The following RFX8 variants were observed in gnomAD, a reference collection of about 807,000 sequenced individuals.
RFX8 encodes DNA-binding protein RFX8.
RFX8 carries 46 observed loss-of-function variants against 54.6 expected under a neutral mutation model. The ratio of observed to expected loss-of-function variants is 0.84; its 90% confidence interval spans 0.67 to 1.08. The LOEUF is 1.08. Among genes scored for constraint, RFX8 ranks in the 50% least tolerant of loss-of-function variants. The probability of loss-of-function intolerance (pLI) is 0.00; values close to 1 mark genes in which losing one functional copy is unlikely to be tolerated. For synonymous variants in RFX8, 192 were observed against 209.5 expected, an observed-to-expected ratio of 0.92 and a Z score of 0.72; for missense variants, 536 against 562.3, an observed-to-expected ratio of 0.95 and a Z score of 0.47.
intron 2 of RFX8, among the ~76,000 whole-genome samples, chr2:101,448,482 A>G (rs770098395): frequency 6.6e-6 from 1 of 152,130 alleles, no homozygotes; most frequent in Non-Finnish European, 1.5e-5. Flanking sequence ...TCTGTTCTTC[A>G]TTGCTTCACT....
chr2:101,405,961 A>T lies in RFX8; in HGVS notation c.910T>A (p.Cys304Ser). The T allele has an allele frequency of 2.6e-6, 4 of 1,536,646 alleles. No individual in the cohort carries two copies. The highest frequency in any genetic ancestry group is 3.5e-6 in the Non-Finnish European group (4 of 1,140,152). The change falls in exon 10 of 12, where the codon TGC (cysteine) becomes AGC (serine). Residue 304 changes from cysteine (C) to serine (S), a missense_variant. By Grantham distance (112) the Cys-to-Ser change is moderately radical. Transcript: ENST00000428343. Reference sequence around the variant, plus strand: ...GACTTACCAAAACTATCTCTGTGGCAGAGGGTCATGGCTTTGCTTACAGCA... The same window carrying T: ...GACTTACCAAAACTATCTCTGTGGCTGAGGGTCATGGCTTTGCTTACAGCA... The part of the protein sequence containing the change: ...LTAVSKAMTL[C>S]HRDSFGSWHL...
chr2:101,420,219 C>T (rs2104578433), intron 4 of RFX8, among the ~76,000 whole-genome samples: 2 of 152,228 alleles, frequency 1.3e-5, no homozygotes, highest in Middle Eastern at 3.4e-3. Context: ...TACTTTCCCA[C>T]CTCCCCTCTG....
At chr2:101,446,482 C>G (rs56125224) in intron 2 of RFX8, among the ~76,000 whole-genome samples, 3 of 11,248 alleles carry the variant, frequency 2.7e-4, no homozygotes, top group Non-Finnish European at 1.6e-3. Context: ...CCAAGTTGAT[C>G]AATTATTAAG....
chr2:101,397,534 T>A lies in RFX8; in HGVS notation c.*14A>T. On this transcript the variant is annotated 3_prime_UTR_variant, in exon 12 of 12. Transcript: ENST00000428343. ...GTCTATCAGTTTTCTTATTCTCTATTCAAATAAATAATCTCACACATTAGC... is the reference window on the plus strand; with the variant it reads ...GTCTATCAGTTTTCTTATTCTCTATACAAATAAATAATCTCACACATTAGC... 6.7e-7 allele frequency: 1 copy of A among 1,496,580 alleles called. No individual in the cohort carries two copies. The highest frequency in any genetic ancestry group is 9.0e-7 in the Non-Finnish European group (1 of 1,113,344). 92.7% of individuals were successfully genotyped at this position (1,496,580 alleles called of 1,614,324 possible). A position where few individuals can be genotyped will look rare whatever the true frequency, so the allele number is the denominator to read the frequency against.
chr2:101,460,665 C>T (rs1041324127), intron 2 of RFX8, among the ~76,000 whole-genome samples: 5 of 151,662 alleles, frequency 3.3e-5, no homozygotes, highest in Non-Finnish European at 1.5e-5. Flanking sequence ...GTAATTACTT[C>T]TGTTCTTTCT....
At position 101,413,071 on chromosome 2, in the gene RFX8, T is replaced by G. The variant is rs745821914; in HGVS notation, c.562A>C (p.Thr188Pro). Residue 188 changes from threonine (T) to proline (P), a missense_variant and splice_region_variant, in exon 8 of 12, where the codon ACT becomes CCT. Transcript: ENST00000428343. ...TTACTTTTCAATACCATTCGCATAG[T>G]CTAAAGATAACAGGGAGGCATAATA... ...RKTYLSNMAKTMRMVLKSKRR... is the reference protein window; with the variant it reads ...RKTYLSNMAKPMRMVLKSKRR... The G allele has an allele frequency of 1.3e-6, 2 of 1,551,248 alleles. No homozygotes were observed. Among genetic ancestry groups the G allele is most frequent in the African/African-American group, 2.7e-5 (2 of 73,012 alleles).
chr2:101,428,929 T>G, intron 2 of RFX8: 1 of 1,408,098 alleles, frequency 7.1e-7, no homozygotes, highest in Non-Finnish European at 9.7e-7. Context: ...GGGTCTGTTA[T>G]AGTAAATCTG....
At chr2:101,428,002 C>A (rs1687277212) in intron 2 of RFX8, among the ~76,000 whole-genome samples, 1 of 151,824 alleles carries the variant, frequency 6.6e-6, no homozygotes, top group Non-Finnish European at 1.5e-5. Flanking sequence ...TGTGTTAAAA[C>A]CCTAATCCCG....
chr2:101,469,773 G>A (rs1380718727), intron 1 of RFX8, among the ~76,000 whole-genome samples: 1 of 151,942 alleles, frequency 6.6e-6, no homozygotes, highest in African/African-American at 2.4e-5. Flanking sequence ...TGATACTACC[G>A]AGCCTGCCTG....
chr2:101,472,912 G>A (rs1209573806), intron 1 of RFX8, among the ~76,000 whole-genome samples: 2 of 151,960 alleles, frequency 1.3e-5, no homozygotes, highest in Admixed American at 6.6e-5. Flanking sequence ...CAGCTACTAC[G>A]GAAGGATAAG....
intron 1 of RFX8, among the ~76,000 whole-genome samples, chr2:101,467,917 A>G (rs1689668502): frequency 6.6e-6 from 1 of 152,120 alleles, no homozygotes; most frequent in South Asian, 2.1e-4. Context: ...ACAAAGAGGA[A>G]TATTTATTTA....
chr2:101,405,962 G>A lies in RFX8; in HGVS notation c.909C>T (p.Leu303=). Residue 303 remains leucine, a synonymous_variant, in exon 10 of 12, where the codon CTC becomes CTT. Coordinates refer to ENST00000428343, the MANE Select transcript of RFX8 (RefSeq NM_001145664.2). ...ACTTACCAAAACTATCTCTGTGGCA[G>A]AGGGTCATGGCTTTGCTTACAGCAG... The part of the protein sequence containing the change: ...LLTAVSKAMT[L]CHRDSFGSWH... 6.5e-7 allele frequency: 1 copy of A among 1,536,246 alleles called. No homozygotes were observed. Among genetic ancestry groups the A allele is most frequent in the South Asian group, 1.2e-5 (1 of 80,136 alleles).
At chr2:101,433,859 G>A (rs969827432) in intron 2 of RFX8, among the ~76,000 whole-genome samples, 5 of 152,200 alleles carry the variant, frequency 3.3e-5, no homozygotes, top group African/African-American at 1.2e-4. Flanking sequence ...AGCACATGAA[G>A]TAATTATTTT....
intron 2 of RFX8, among the ~76,000 whole-genome samples, chr2:101,432,017 A>G (rs1337990747): frequency 6.6e-6 from 1 of 152,126 alleles, no homozygotes; most frequent in Non-Finnish European, 1.5e-5. Context: ...GGAGAAAGAG[A>G]AAATATTTCA....
intron 2 of RFX8, among the ~76,000 whole-genome samples, chr2:101,458,710 T>C (rs1689116480): frequency 6.6e-6 from 1 of 152,206 alleles, no homozygotes; most frequent in Admixed American, 6.5e-5. Flanking sequence ...TTTTGAGAAG[T>C]ATCTTTGTGG....
chr2:101,435,599 C>T (rs1164663082), intron 2 of RFX8, among the ~76,000 whole-genome samples: 2 of 152,126 alleles, frequency 1.3e-5, no homozygotes, highest in Admixed American at 6.6e-5. Flanking sequence ...TCCCCTGTTC[C>T]CCTAGACAAT....
intron 3 of RFX8, 91 bp from the exon 4 acceptor site, chr2:101,421,868 C>T (rs1270765877): frequency 6.5e-5 from 60 of 921,762 alleles, no homozygotes; most frequent in Non-Finnish European, 8.9e-5. Context: ...TCAGAGGCCG[C>T]TCTTGTTGCA....
intron 3 of RFX8, 34 bp from the exon 4 acceptor site, chr2:101,421,811 G>A (rs1279446665): frequency 4.7e-6 from 7 of 1,482,510 alleles, no homozygotes; most frequent in African/African-American, 1.4e-5. Context: ...TTCAGCATGT[G>A]GGCCTTTTCA....
In RFX8 at chr2:101,410,521, G is replaced by C. The variant is rs993109127; in HGVS notation, c.813+98C>G. The C allele has an allele frequency of 7.4e-6, 5 of 673,108 alleles. No individual in the cohort carries two copies. The East Asian group carries it at 1.1e-4, about 15-fold the overall frequency. The allele number at this position is 673,108 out of a possible 1,614,324, so 41.7% of individuals were successfully genotyped here. A position where few individuals can be genotyped will look rare whatever the true frequency, so the allele number is the denominator to read the frequency against. On this transcript the variant is annotated intron_variant, in intron 9 of 11. Transcript: ENST00000428343. ...GCCAGCTTTGACACATTTCCGACCA[G>C]AGCCTAAGAAGCCTCTTTCCCATCC... is the stretch of plus-strand genomic sequence containing the variant.
Sources: gnomAD v4.1 joint callset for allele counts (sites outside exome capture counted in the v4.1 genomes callset) on GRCh38, gnomAD v4.1.1 for gene constraint, MANE v1.5 for transcripts, NCBI Gene and HGNC (gene_info 2026-07-23, HGNC 2026-07-21) for gene names.